The following FILIP1L variants were observed in gnomAD, a reference collection of about 807,000 sequenced individuals.
FILIP1L encodes filamin A interacting protein 1 like.
FILIP1L carries 55 observed loss-of-function variants against 96.6 expected under a neutral mutation model. That is an observed-to-expected ratio of 0.57 (90% CI 0.46 to 0.71). The LOEUF (loss-of-function observed/expected upper bound fraction) is 0.71, where lower values mean the gene tolerates loss of function less well. FILIP1L is among the 30% of genes least tolerant of loss of function. FILIP1L has a pLI of 0.00. For synonymous variants in FILIP1L, 467 were observed against 473.9 expected (o/e 0.99, Z 0.19); for missense variants, 1,304 against 1,321.2 (o/e 0.99, Z 0.20).
Position 99,849,740 on chromosome 3 carries a change from C to T in FILIP1L, c.1936G>A (p.Glu646Lys), listed in dbSNP as rs765805139. ...TCTTCTGTTTTCATGAGGTCATCCT[C>T]AATGGCTTTCATGTCCTTTAGCTTC... ...KLKLKDMKAI[E>K]DDLMKTEDEY... is the part of the protein sequence containing the mutation. Residue 646 changes from glutamate (E) to lysine (K), a missense_variant, in exon 5 of 6, where the codon GAG becomes AAG. Glu to Lys is a moderately conservative substitution (Grantham distance 56). Coordinates refer to ENST00000477258, the MANE Select transcript of FILIP1L (RefSeq NM_001387850.1). 1 of 1,613,794 alleles carries T rather than the reference C, an allele frequency of 6.2e-7. No homozygotes were observed. Among genetic ancestry groups the T allele is most frequent in the South Asian group, 1.1e-5 (1 of 91,066 alleles).
intron 1 of FILIP1L, among the ~76,000 whole-genome samples, chr3:100,024,527 G>C (rs1203526795): frequency 6.6e-6 from 1 of 152,036 alleles, no homozygotes; most frequent in East Asian, 1.9e-4. Flanking sequence ...ACCTTTCATA[G>C]GAAGCAACTG....
chr3:99,833,336 C>G, intron 5 of FILIP1L: 2 of 1,286,330 alleles, frequency 1.6e-6, no homozygotes, highest in Non-Finnish European at 2.2e-6. Context: ...TTGTTTTATC[C>G]ATAGATTCTC....
At chr3:99,984,522 G>T (rs551384265) in intron 1 of FILIP1L, among the ~76,000 whole-genome samples, 1 of 152,248 alleles carries the variant, frequency 6.6e-6, no homozygotes, top group Admixed American at 6.5e-5. Context: ...TGTGGTCAGT[G>T]GTCCTCTAGC....
chr3:99,873,142 A>C (rs1705324629), intron 4 of FILIP1L, among the ~76,000 whole-genome samples: 1 of 152,178 alleles, frequency 6.6e-6, no homozygotes, highest in East Asian at 1.9e-4. Context: ...TGACAGCAGC[A>C]ACCACAGAAA....
At chr3:100,031,976 C>T (rs1192212849) in intron 1 of FILIP1L, among the ~76,000 whole-genome samples, 2 of 151,926 alleles carry the variant, frequency 1.3e-5, no homozygotes, top group Non-Finnish European at 2.9e-5. Flanking sequence ...ATGTATTTTT[C>T]ATGCATCATG....
intron 1 of FILIP1L, among the ~76,000 whole-genome samples, chr3:100,003,161 A>G (rs1709891457): frequency 6.6e-6 from 1 of 152,112 alleles, no homozygotes; most frequent in African/African-American, 2.4e-5. Flanking sequence ...TTCCTGCCAA[A>G]TCTGATTAGA....
chr3:99,988,386 G>A (rs1182180401), intron 1 of FILIP1L, among the ~76,000 whole-genome samples: 2 of 149,378 alleles, frequency 1.3e-5, no homozygotes. Context: ...GGTGGCATGT[G>A]CCTGTAGTCC....
At position 99,848,462 on chromosome 3, in the gene FILIP1L, G is replaced by C. The variant is rs1316710005; in HGVS notation, c.3214C>G (p.Gln1072Glu). 6.2e-7 allele frequency: 1 copy of C among 1,614,184 alleles called. No homozygotes were observed. The highest frequency in any genetic ancestry group is 1.1e-5 in the South Asian group (1 of 91,084). ...IHIHLGSPYM[Q>E]AVASPVRPAS... is the part of the protein sequence containing the mutation. ...GGTCTCACAGGGCTGGCTACAGCTT[G>C]CATGTAAGGACTTCCTAAGTGAATG... Residue 1072 changes from glutamine to glutamate, a missense_variant, in exon 5 of 6, where the codon CAA (glutamine) becomes GAA (glutamate). Physicochemically the swap from Gln to Glu is conservative, Grantham distance 29 (BLOSUM62 2). Coordinates refer to ENST00000477258, the MANE Select transcript of FILIP1L (RefSeq NM_001387850.1).
chr3:100,026,843 A>G (rs1249424303), intron 1 of FILIP1L, among the ~76,000 whole-genome samples: 2 of 152,100 alleles, frequency 1.3e-5, no homozygotes, highest in African/African-American at 2.4e-5. Flanking sequence ...TGTAAGTCAG[A>G]TCACATCGCC....
At chr3:100,065,834 C>T (rs2065654193) in intron 1 of FILIP1L, among the ~76,000 whole-genome samples, 1 of 152,066 alleles carries the variant, frequency 6.6e-6, no homozygotes, top group Middle Eastern at 3.2e-3. Context: ...GTTTATTGGC[C>T]AGGTATCATT....
At chr3:99,965,831 T>C (rs1708633310) in intron 1 of FILIP1L, among the ~76,000 whole-genome samples, 1 of 152,162 alleles carries the variant, frequency 6.6e-6, no homozygotes. Flanking sequence ...TGCAAGCAGT[T>C]GCAGTTTTCC....
rs189110817 is a variant in FILIP1L, at chr3:99,967,817, A to G, written c.-10-36787T>C. Among the ~76,000 whole-genome samples the G allele has an allele frequency of 4.1e-3, 623 of 152,288 alleles. 5 individuals are homozygous for G. Among genetic ancestry groups the G allele is most frequent in the Non-Finnish European group, 7.3e-3 (496 of 68,016 alleles). On this transcript the variant is annotated intron_variant, in intron 1 of 5. Transcript: ENST00000477258. ...CCAATACTCCTTGAGTGCCTTTTAT[A>G]TACATGATTTTGAGTGATGTGGAGA...
intron 1 of FILIP1L, among the ~76,000 whole-genome samples, chr3:99,961,632 A>T (rs573024835): frequency 1.4e-4 from 22 of 152,274 alleles, no homozygotes; most frequent in Admixed American, 1.4e-3. Context: ...GCTCCTGGGA[A>T]CCGATACCTT....
At chr3:99,973,661 A>G (rs1708887533) in intron 1 of FILIP1L, among the ~76,000 whole-genome samples, 1 of 152,200 alleles carries the variant, frequency 6.6e-6, no homozygotes, top group Non-Finnish European at 1.5e-5. Context: ...CCACTTCTGT[A>G]AGAAGAATAA....
chr3:100,016,282 T>C (rs1710336295), intron 1 of FILIP1L, among the ~76,000 whole-genome samples: 3 of 152,168 alleles, frequency 2.0e-5, no homozygotes, highest in Non-Finnish European at 4.4e-5. Context: ...AACCTCCGCC[T>C]CCTGGGTTCA....
At chr3:100,090,429 T>C (rs1165673110) in intron 1 of FILIP1L, among the ~76,000 whole-genome samples, 1 of 152,210 alleles carries the variant, frequency 6.6e-6, no homozygotes, top group Non-Finnish European at 1.5e-5. Context: ...CCTTATAACA[T>C]TTTCTAAGAA....
intron 1 of FILIP1L, among the ~76,000 whole-genome samples, chr3:99,944,997 A>T (rs1707966082): frequency 1.3e-5 from 2 of 152,200 alleles, no homozygotes; most frequent in Admixed American, 1.3e-4. Flanking sequence ...GTAGGGAGGG[A>T]GTTGTTATAA....
intron 1 of FILIP1L, among the ~76,000 whole-genome samples, chr3:100,013,335 C>G (rs1212316054): frequency 6.6e-6 from 1 of 151,984 alleles, no homozygotes. Flanking sequence ...CCTCCACTTC[C>G]CAGGTTCAAG....
At chr3:99,998,001 G>C (rs185126305) in intron 1 of FILIP1L, among the ~76,000 whole-genome samples, 5 of 152,312 alleles carry the variant, frequency 3.3e-5, no homozygotes, top group Admixed American at 6.5e-5. Context: ...TCCTGCTAGA[G>C]CATAGAGCTA....
Sources: allele counts gnomAD v4.1 joint callset (sites outside exome capture counted in the v4.1 genomes callset), GRCh38; gene constraint gnomAD v4.1.1; transcripts MANE v1.5; gene names NCBI Gene and HGNC (gene_info 2026-07-23, HGNC 2026-07-21).